NDST3: variants seen among roughly 807,000 people sequenced by gnomAD.
The protein encoded by NDST3 is N-deacetylase and N-sulfotransferase 3, also known as bifunctional heparan sulfate N-deacetylase/N-sulfotransferase 3.
Under a neutral mutation model 96.1 loss-of-function variants are expected in NDST3, and 58 were observed. The observed-to-expected ratio is 0.60, with a 90% confidence interval of 0.49 to 0.75. The LOEUF is 0.75. Ranked by LOEUF, NDST3 falls within the 30% of genes least tolerant of loss-of-function variation. NDST3 has a pLI of 0.00. For missense variants in NDST3, 788 were observed against 1,034.2 expected (o/e 0.76, Z 3.27); for synonymous variants, 333 against 359.7 (o/e 0.93, Z 0.84).
intron 6 of NDST3, among the ~76,000 whole-genome samples, chr4:118,175,271 T>C (rs1736205622): frequency 6.6e-6 from 1 of 152,086 alleles, no homozygotes; most frequent in Admixed American, 6.6e-5. Context: ...GTAAAGCCAT[T>C]AATTTTTTCT....
At chr4:118,150,073 T>A (rs1321262008) in intron 6 of NDST3, among the ~76,000 whole-genome samples, 2 of 151,876 alleles carry the variant, frequency 1.3e-5, no homozygotes, top group Non-Finnish European at 2.9e-5. Flanking sequence ...GATTTGCGTA[T>A]ATTGAACCAG....
At chr4:118,141,137 T>C (rs1733541505) in intron 5 of NDST3, among the ~76,000 whole-genome samples, 1 of 152,152 alleles carries the variant, frequency 6.6e-6, no homozygotes. Context: ...TTCTTGTTGA[T>C]CATGGCTTTC....
chr4:118,195,734 T>G (rs556450008), intron 6 of NDST3, among the ~76,000 whole-genome samples: 11 of 152,340 alleles, frequency 7.2e-5, no homozygotes, highest in South Asian at 4.1e-4. Context: ...AATTTATCAG[T>G]TCTAATAGTT....
intron 2 of NDST3, among the ~76,000 whole-genome samples, chr4:118,056,056 T>G (rs1725407676): frequency 6.6e-6 from 1 of 151,964 alleles, no homozygotes; most frequent in African/African-American, 2.4e-5. Flanking sequence ...GTCTTTGTAC[T>G]TACTTTTGAA....
intron 6 of NDST3, among the ~76,000 whole-genome samples, chr4:118,149,843 A>AG (rs1432812795): frequency 6.6e-6 from 1 of 152,190 alleles, no homozygotes; most frequent in Non-Finnish European, 1.5e-5. Context: ...CAATTTTTAA[A>AG]GGGAATGCTT....
At chr4:118,104,055 C>G (rs1560645191) in intron 2 of NDST3, among the ~76,000 whole-genome samples, 1 of 152,106 alleles carries the variant, frequency 6.6e-6, no homozygotes, top group Non-Finnish European at 1.5e-5. Flanking sequence ...TGAGGCAGAC[C>G]TTCCAGATGT....
intron 2 of NDST3, among the ~76,000 whole-genome samples, chr4:118,102,183 C>A (rs767736361): frequency 2.6e-5 from 4 of 151,952 alleles, no homozygotes; most frequent in African/African-American, 9.6e-5. Context: ...ATAATTGATA[C>A]ATGGAATTGT....
chr4:118,226,925 A>C lies in NDST3; in HGVS notation c.1762A>C (p.Lys588Gln). The change falls in exon 8 of 14, where the codon AAA becomes CAA. Residue 588 changes from lysine to glutamine, a missense_variant. By Grantham distance (53) the Lys-to-Gln change is moderately conservative (BLOSUM62 1). Transcript: ENST00000296499. ...CAAACGCCACAGAGACATTTGGTCT[A>C]AAGAAAAAACTTGTGATCGCTTACC... ...DDKRHRDIWS[K>Q]EKTCDRLPKF... is the part of the protein sequence containing the mutation. The C allele has an allele frequency of 3.1e-6, 5 of 1,613,800 alleles. No homozygotes were observed. The highest frequency in any genetic ancestry group is 4.2e-6 in the Non-Finnish European group (5 of 1,179,852).
chr4:118,209,240 A>C (rs1416170495), intron 6 of NDST3, among the ~76,000 whole-genome samples: 2 of 152,180 alleles, frequency 1.3e-5, no homozygotes, highest in East Asian at 3.8e-4. Flanking sequence ...GCTGCTGCTT[A>C]AAAAAGGATG....
intron 12 of NDST3, among the ~76,000 whole-genome samples, chr4:118,242,879 G>C: frequency 6.6e-6 from 1 of 152,060 alleles, no homozygotes; most frequent in Non-Finnish European, 1.5e-5. Context: ...GAGACTGAGT[G>C]CTGTGTCCTA....
intron 6 of NDST3, among the ~76,000 whole-genome samples, chr4:118,159,090 G>T (rs1229223974): frequency 6.6e-6 from 1 of 152,196 alleles, no homozygotes; most frequent in African/African-American, 2.4e-5. Context: ...AGGAGGAAAA[G>T]ATTTGGCTTG....
At chr4:118,066,033 A>C (rs1201077391) in intron 2 of NDST3, among the ~76,000 whole-genome samples, 1 of 132,234 alleles carries the variant, frequency 7.6e-6, no homozygotes, top group Non-Finnish European at 1.6e-5. Flanking sequence ...AATAATAATA[A>C]GTTCTTCACT....
At chr4:118,203,315 A>C (rs1275584119) in intron 6 of NDST3, among the ~76,000 whole-genome samples, 1 of 152,176 alleles carries the variant, frequency 6.6e-6, no homozygotes, top group Non-Finnish European at 1.5e-5. Context: ...TACCAGGCTG[A>C]TGCTGGCTTC....
At chr4:118,176,970 T>C (rs1736320272) in intron 6 of NDST3, among the ~76,000 whole-genome samples, 1 of 151,970 alleles carries the variant, frequency 6.6e-6, no homozygotes, top group Non-Finnish European at 1.5e-5. Context: ...AAATGAAAAT[T>C]GAAAATAGAC....
At chr4:118,174,295 G>A (rs1015101539) in intron 6 of NDST3, among the ~76,000 whole-genome samples, 2 of 151,800 alleles carry the variant, frequency 1.3e-5, no homozygotes, top group African/African-American at 4.8e-5. Context: ...CAGTTTCCCA[G>A]AACATTAAAA....
At chr4:118,227,854 C>T (rs985785474) in intron 8 of NDST3, among the ~76,000 whole-genome samples, 8 of 152,108 alleles carry the variant, frequency 5.3e-5, no homozygotes, top group African/African-American at 1.7e-4. Flanking sequence ...CCTCGTGATC[C>T]GCCCGCCTCG....
chr4:118,129,934 T>C (rs1732469181), intron 4 of NDST3, among the ~76,000 whole-genome samples: 1 of 152,124 alleles, frequency 6.6e-6, no homozygotes, highest in Non-Finnish European at 1.5e-5. Flanking sequence ...TATCATTATA[T>C]AGTGACCTTC....
chr4:118,205,966 G>A (rs1311369100), intron 6 of NDST3, among the ~76,000 whole-genome samples: 1 of 142,430 alleles, frequency 7.0e-6, no homozygotes, highest in South Asian at 2.4e-4. Flanking sequence ...CCGAGTAGCT[G>A]GGATTACAGA....
intron 6 of NDST3, among the ~76,000 whole-genome samples, chr4:118,170,171 G>A (rs1337769613): frequency 6.6e-6 from 1 of 152,182 alleles, no homozygotes; most frequent in Non-Finnish European, 1.5e-5. Context: ...CTGGAAGAAA[G>A]AGAAATTGTG....
Sources: gnomAD v4.1 joint callset for allele counts (sites outside exome capture counted in the v4.1 genomes callset) on GRCh38, gnomAD v4.1.1 for gene constraint, MANE v1.5 for transcripts, NCBI Gene and HGNC (gene_info 2026-07-23, HGNC 2026-07-21) for gene names.